CHRM3: variants seen among roughly 807,000 people sequenced by gnomAD.
The protein encoded by CHRM3 is muscarinic acetylcholine receptor M3.
CHRM3 carries 11 observed loss-of-function variants against 41.8 expected under a neutral mutation model. That is an observed-to-expected ratio of 0.26 (90% CI 0.17 to 0.44). CHRM3 has a LOEUF of 0.44. Ranked by LOEUF, CHRM3 falls within the 20% of genes least tolerant of loss-of-function variation. The probability of loss-of-function intolerance (pLI) is 1.00; values close to 1 mark genes in which losing one functional copy is unlikely to be tolerated. For synonymous variants in CHRM3, 297 were observed against 301.4 expected (o/e 0.99, Z 0.15); for missense variants, 571 against 745.4 (o/e 0.77, Z 2.72).
intron 2 of CHRM3, among the ~76,000 whole-genome samples, chr1:239,500,694 A>G (rs1668179267): frequency 6.7e-6 from 1 of 148,650 alleles, no homozygotes; most frequent in African/African-American, 2.4e-5. Flanking sequence ...ATACATGTTA[A>G]AAAGAAAAAA....
intron 2 of CHRM3, among the ~76,000 whole-genome samples, chr1:239,521,995 G>C (rs1241632918): frequency 6.6e-6 from 1 of 151,956 alleles, no homozygotes; most frequent in African/African-American, 2.4e-5. Context: ...AATGCCCCAA[G>C]GATACTGAGT....
At chr1:239,790,744 G>A (rs1420478052) in intron 5 of CHRM3, among the ~76,000 whole-genome samples, 1 of 152,150 alleles carries the variant, frequency 6.6e-6, no homozygotes, top group East Asian at 1.9e-4. Flanking sequence ...AAAGCTCCCT[G>A]ACCTCTTTTA....
intron 1 of CHRM3, among the ~76,000 whole-genome samples, chr1:239,425,909 A>G (rs1435342611): frequency 1.3e-5 from 2 of 152,178 alleles, no homozygotes; most frequent in Non-Finnish European, 2.9e-5. Context: ...AAAGCCGTTC[A>G]GTGTTCTGCT....
At chr1:239,534,956 C>A (rs1327218470) in intron 2 of CHRM3, among the ~76,000 whole-genome samples, 2 of 152,178 alleles carry the variant, frequency 1.3e-5, no homozygotes, top group African/African-American at 2.4e-5. Flanking sequence ...CTAATCCATT[C>A]AAAAATAGTC....
intron 3 of CHRM3, among the ~76,000 whole-genome samples, chr1:239,618,432 A>T (rs1166797232): frequency 1.3e-5 from 2 of 149,714 alleles, no homozygotes; most frequent in African/African-American, 4.9e-5. Flanking sequence ...ATCTGCTAGG[A>T]GGTTTGTTTT....
intron 3 of CHRM3, among the ~76,000 whole-genome samples, chr1:239,620,648 G>T (rs2148811862): frequency 6.6e-6 from 1 of 151,916 alleles, no homozygotes; most frequent in East Asian, 1.9e-4. Context: ...ATAATTTTAG[G>T]AATATAGAAC....
rs183357510 is a variant in CHRM3 at position 239,799,452 on chromosome 1, C to T, written c.-146-27800C>T. 2.0e-5 allele frequency among the ~76,000 whole-genome samples: 3 copies of T among 152,268 alleles called. No homozygotes were observed. The East Asian group carries it at 5.8e-4, about 29-fold the overall frequency. Reference sequence around the variant, plus strand: ...GAACACGCTGTTTTCGCTCCAGGCACTGAGATTCAGAGGAACCAGGAAGCC... The same window carrying T: ...GAACACGCTGTTTTCGCTCCAGGCATTGAGATTCAGAGGAACCAGGAAGCC... On this transcript the variant is annotated intron_variant, in intron 5 of 6. Coordinates refer to ENST00000676153, the MANE Select transcript of CHRM3 (RefSeq NM_001375978.1).
chr1:239,623,094 G>T (rs941861760), intron 3 of CHRM3, among the ~76,000 whole-genome samples: 1 of 151,962 alleles, frequency 6.6e-6, no homozygotes. Flanking sequence ...TCAGATGATT[G>T]TTAGTATTTT....
chr1:239,805,375 C>T (rs1670550994), intron 5 of CHRM3, among the ~76,000 whole-genome samples: 1 of 152,182 alleles, frequency 6.6e-6, no homozygotes, highest in African/African-American at 2.4e-5. Context: ...TACCCATATC[C>T]ACTGAACAGA....
intron 3 of CHRM3, among the ~76,000 whole-genome samples, chr1:239,593,205 A>G (rs1227360117): frequency 6.6e-6 from 1 of 152,176 alleles, no homozygotes; most frequent in African/African-American, 2.4e-5. Context: ...GATTGACCTT[A>G]TACTTTTTTA....
intron 5 of CHRM3, among the ~76,000 whole-genome samples, chr1:239,825,613 C>T (rs970268141): frequency 1.3e-5 from 2 of 152,088 alleles, no homozygotes; most frequent in Admixed American, 6.5e-5. Flanking sequence ...ACCCAAAAGA[C>T]GGAAGCAACC....
intron 1 of CHRM3, among the ~76,000 whole-genome samples, chr1:239,476,668 T>C (rs1451240235): frequency 2.0e-5 from 3 of 152,160 alleles, no homozygotes; most frequent in African/African-American, 7.2e-5. Context: ...TTGCTACATA[T>C]AGGTTATCTG....
rs78284167 is a variant in CHRM3, at chr1:239,511,388, C to T, written c.-422+18581C>T. Among the ~76,000 whole-genome samples the T allele has an allele frequency of 1.5e-3, 221 of 152,238 alleles. 3 individuals are homozygous for T. In the East Asian group the frequency reaches 0.029, roughly 20 times the overall value. On this transcript the variant is annotated intron_variant, in intron 2 of 6. Transcript: ENST00000676153. ...CATTATAAAGCTGAGATTTATAATT[C>T]GCTGTTGCAGCTTTGTTACTATGTA...
intron 1 of CHRM3, among the ~76,000 whole-genome samples, chr1:239,404,016 A>G (rs76091677): frequency 0.14 from 16,174 of 118,116 alleles, 1,446 homozygotes; most frequent in East Asian, 0.22. Flanking sequence ...AGAGAGAGAT[A>G]CCTGGCTCGG....
intron 1 of CHRM3, among the ~76,000 whole-genome samples, chr1:239,450,032 A>T (rs181443256): frequency 3.3e-5 from 5 of 152,314 alleles, no homozygotes; most frequent in Admixed American, 3.3e-4. Flanking sequence ...GTTTCTGCAC[A>T]TAGTTGCCTT....
chr1:239,843,167 C>G (rs1673963175), intron 6 of CHRM3, among the ~76,000 whole-genome samples: 1 of 152,134 alleles, frequency 6.6e-6, no homozygotes, highest in South Asian at 2.1e-4. Flanking sequence ...CCTTTGGTGA[C>G]TTAGTGGCTT....
intron 5 of CHRM3, among the ~76,000 whole-genome samples, chr1:239,797,156 C>G (rs761023792): frequency 2.0e-5 from 3 of 152,066 alleles, no homozygotes; most frequent in Non-Finnish European, 4.4e-5. Context: ...ACATTGTGTA[C>G]TCATGGACAT....
chr1:239,797,473 A>G (rs1669880404), intron 5 of CHRM3, among the ~76,000 whole-genome samples: 1 of 152,096 alleles, frequency 6.6e-6, no homozygotes, highest in Non-Finnish European at 1.5e-5. Context: ...AAAATATGAA[A>G]GTGGCTAGGC....
intron 4 of CHRM3, among the ~76,000 whole-genome samples, chr1:239,645,735 C>A (rs191778383): frequency 6.6e-6 from 1 of 151,922 alleles, no homozygotes; most frequent in Non-Finnish European, 1.5e-5. Flanking sequence ...TAAACTAAAT[C>A]TAATGGAATG....
Sources: allele counts gnomAD v4.1 joint callset (sites outside exome capture counted in the v4.1 genomes callset), GRCh38; gene constraint gnomAD v4.1.1; transcripts MANE v1.5; gene names NCBI Gene and HGNC (gene_info 2026-07-23, HGNC 2026-07-21).